Variants in NARS1 observed in about 807,000 individuals in gnomAD.
The protein encoded by NARS1 is asparagine--tRNA ligase, cytoplasmic.
A neutral mutation model predicts 79.2 loss-of-function variants in NARS1; 65 were observed. The observed-to-expected ratio is 0.82, with a 90% confidence interval of 0.67 to 1.01. The LOEUF (loss-of-function observed/expected upper bound fraction) is 1.01. Ranked by LOEUF, NARS1 falls within the 50% of genes least tolerant of loss-of-function variation. The pLI is 0.00. For missense variants in NARS1, 649 were observed against 673.8 expected, an observed-to-expected ratio of 0.96 and a Z score of 0.41; for synonymous variants, 229 against 238.8, an observed-to-expected ratio of 0.96 and a Z score of 0.38.
chr18:57,607,616 A>G lies in NARS1; in HGVS notation c.629T>C (p.Leu210Ser), dbSNP rs1354985039. 2 of 1,614,146 alleles carry G rather than the reference A, an allele frequency of 1.2e-6. No individual in the cohort carries two copies. Among genetic ancestry groups the G allele is most frequent in the South Asian group, 2.2e-5 (2 of 91,088 alleles). ...LSCDFWELIG[L>S]APAGGADNLI... ...GTTGTCAGCTCCTCCAGCAGGGGCCAACCCAATTAGTTCCCAGAAGTCACA... is the reference window on the plus strand; with the variant it reads ...GTTGTCAGCTCCTCCAGCAGGGGCCGACCCAATTAGTTCCCAGAAGTCACA... Residue 210 changes from leucine (L) to serine (S), a missense_variant, in exon 8 of 14, where the codon TTG becomes TCG. By Grantham distance (145) the Leu-to-Ser change is moderately radical. Coordinates refer to ENST00000256854, the MANE Select transcript of NARS1 (RefSeq NM_004539.4).
Position 57,602,854 on chromosome 18 carries a change from G to C in NARS1, c.1341C>G (p.Phe447Leu). ...LCRFPVEIKS[F>L]YMQRCPEDSR... is the part of the protein sequence containing the mutation. ...AATCCTCAGGACATCGCTGCATGTA[G>C]AAGGACTTGATCTCCACAGGAAATC... The change falls in exon 12 of 14, where the codon TTC (phenylalanine) becomes TTG (leucine). Residue 447 changes from phenylalanine (F) to leucine (L), a missense_variant. Physicochemically the swap from Phe to Leu is conservative, Grantham distance 22. Transcript: ENST00000256854. 1.2e-6 allele frequency: 2 copies of C among 1,614,086 alleles called. No homozygotes were observed. Among genetic ancestry groups the C allele is most frequent in the Non-Finnish European group, 1.7e-6 (2 of 1,179,956 alleles).
At chr18:57,617,273 GAGA>G (rs948910836) in intron 2 of NARS1, among the ~76,000 whole-genome samples, 2 of 152,098 alleles carry the variant, frequency 1.3e-5, no homozygotes, top group Non-Finnish European at 2.9e-5. Flanking sequence ...GACTGCTGCA[GAGA>G]AGGAGGGAAT....
At chr18:57,620,448 C>A in intron 2 of NARS1, 121 bp downstream of exon 2, 1 of 661,780 alleles carries the variant, frequency 1.5e-6, no homozygotes, top group East Asian at 2.6e-5. Flanking sequence ...CTTACTTTCC[C>A]TTTTCTGAAA....
intron 2 of NARS1, among the ~76,000 whole-genome samples, chr18:57,617,713 G>A (rs572631331): frequency 2.7e-4 from 41 of 150,876 alleles, no homozygotes; most frequent in African/African-American, 8.3e-4. Flanking sequence ...TCAGGAGTTC[G>A]AGACCAGCCT....
intron 2 of NARS1, among the ~76,000 whole-genome samples, chr18:57,617,425 A>T (rs1908094154): frequency 6.6e-6 from 1 of 150,926 alleles, no homozygotes; most frequent in Non-Finnish European, 1.5e-5. Flanking sequence ...ACAAAAAATT[A>T]GCCGGGTGTG....
At chr18:57,606,263 T>C (rs1344395337) in intron 10 of NARS1, among the ~76,000 whole-genome samples, 1 of 151,102 alleles carries the variant, frequency 6.6e-6, no homozygotes, top group Non-Finnish European at 1.5e-5. Context: ...GCAGAATCGC[T>C]TGAAGCTGGG....
chr18:57,621,434 A>C (rs1425871026), intron 1 of NARS1, among the ~76,000 whole-genome samples: 1 of 152,206 alleles, frequency 6.6e-6, no homozygotes, highest in Non-Finnish European at 1.5e-5. Context: ...GTCTCAGCGC[A>C]ATCGGGAGGT....
At chr18:57,614,126 G>A (rs1277937327) in intron 4 of NARS1, among the ~76,000 whole-genome samples, 2 of 152,144 alleles carry the variant, frequency 1.3e-5, no homozygotes, top group African/African-American at 4.8e-5. Flanking sequence ...GATGAGTAGA[G>A]GAAGGGGCTG....
chr18:57,608,125 C>CAG (rs2051575793), intron 7 of NARS1, among the ~76,000 whole-genome samples: 1 of 152,068 alleles, frequency 6.6e-6, no homozygotes, highest in Non-Finnish European at 1.5e-5. Context: ...CTCGGCCTCC[C>CAG]AAAGTGCTGG....
At chr18:57,618,289 CA>C (rs34320460) in intron 2 of NARS1, among the ~76,000 whole-genome samples, 133 of 122,764 alleles carry the variant, frequency 1.1e-3, no homozygotes, top group African/African-American at 2.9e-3. Context: ...AACTCTGTCT[CA>C]AAAAAAAAAA....
chr18:57,620,606 T>C lies in NARS1; in HGVS notation c.56A>G (p.Asp19Gly), dbSNP rs1283995273. The change falls in exon 2 of 14, where the codon GAT (aspartate) becomes GGT (glycine). Residue 19 changes from aspartate to glycine, a missense_variant. Asp to Gly is a moderately conservative substitution (Grantham distance 94). Transcript: ENST00000256854. The stretch of plus-strand genomic sequence containing the variant: ...TTTAAATGGTTTCTCCTTGGTTCCA[T>C]CTCCCGTGGCATCGCTTCCCTCTCG... ...SDREGSDATG[D>G]GTKEKPFKTG... The C allele has an allele frequency of 4.3e-6, 7 of 1,613,844 alleles. No homozygotes were observed. The highest frequency in any genetic ancestry group is 5.9e-6 in the Non-Finnish European group (7 of 1,179,880).
At chr18:57,606,988 G>A in intron 9 of NARS1, 146 bp downstream of exon 9, 1 of 998,016 alleles carries the variant, frequency 1.0e-6, no homozygotes, top group Non-Finnish European at 1.5e-6. Flanking sequence ...GATCTAAGGT[G>A]GCAAAACTTT....
At chr18:57,607,840 T>C (rs2051571992) in intron 7 of NARS1, among the ~76,000 whole-genome samples, 175 bp from the exon 8 acceptor site, 1 of 147,358 alleles carries the variant, frequency 6.8e-6, no homozygotes, top group Non-Finnish European at 1.5e-5. Flanking sequence ...TCTTTCTGGA[T>C]AAATACACAC....
At chr18:57,621,623 C>A in intron 1 of NARS1, 85 bp downstream of exon 1, 1 of 990,172 alleles carries the variant, frequency 1.0e-6, no homozygotes. Context: ...CTCTGGTAGG[C>A]ACTAAGGAAA....
At chr18:57,616,777 A>T (rs1908046132) in intron 2 of NARS1, among the ~76,000 whole-genome samples, 1 of 151,428 alleles carries the variant, frequency 6.6e-6, no homozygotes, top group Non-Finnish European at 1.5e-5. Flanking sequence ...CCGAGGAGGG[A>T]GGATCACCAG....
intron 9 of NARS1, 30 bp downstream of exon 9, chr18:57,607,104 A>G (rs775455898): frequency 2.2e-5 from 34 of 1,572,654 alleles, no homozygotes; most frequent in Non-Finnish European, 2.7e-5. Context: ...ATTACCTAGA[A>G]AGAAATAAAA....
chr18:57,617,316 T>C (rs993493043), intron 2 of NARS1, among the ~76,000 whole-genome samples: 2 of 152,040 alleles, frequency 1.3e-5, no homozygotes, highest in Non-Finnish European at 2.9e-5. Context: ...CTCACACCTG[T>C]AATCCCAGCA....
intron 7 of NARS1, among the ~76,000 whole-genome samples, chr18:57,608,345 G>C (rs552264860): frequency 1.4e-5 from 2 of 144,084 alleles, no homozygotes; most frequent in Non-Finnish European, 3.0e-5. Flanking sequence ...AGCTACTCAG[G>C]AGAATCGCTT....
chr18:57,607,498 T>G lies in NARS1; in HGVS notation c.747A>C (p.Arg249=), dbSNP rs142067552. 3.1e-6 allele frequency: 5 copies of G among 1,614,062 alleles called. No individual in the cohort carries two copies. The East Asian group carries it at 1.1e-4, about 36-fold the overall frequency. Residue 249 remains arginine, a synonymous_variant, in exon 8 of 14, where the codon CGA becomes CGC. Coordinates refer to ENST00000256854, the MANE Select transcript of NARS1 (RefSeq NM_004539.4). ...CTCTAAAGCACCTGGTGACCATGGA[T>G]CGTGCTTTTAGGATTTTGGACATGT... ...GENMSKILKA[R]SMVTRCFRDH... is the part of the protein sequence containing the mutation.
Sources: gnomAD v4.1 joint callset for allele counts (sites outside exome capture counted in the v4.1 genomes callset) on GRCh38, gnomAD v4.1.1 for gene constraint, MANE v1.5 for transcripts, NCBI Gene and HGNC (gene_info 2026-07-23, HGNC 2026-07-21) for gene names.